DNAH3: variants seen among roughly 807,000 people sequenced by gnomAD.
DNAH3 encodes the protein axonemal beta dynein heavy chain 3.
A neutral mutation model predicts 432.5 loss-of-function variants in DNAH3; 332 were observed. The ratio of observed to expected loss-of-function variants is 0.77; its 90% confidence interval spans 0.70 to 0.84. DNAH3 has a LOEUF of 0.84. Ranked by LOEUF, DNAH3 falls within the 40% of genes least tolerant of loss-of-function variation. The probability of loss-of-function intolerance (pLI) is 0.00; values close to 1 mark genes in which losing one functional copy is unlikely to be tolerated. For missense variants in DNAH3, 4,861 were observed against 5,114.0 expected (o/e 0.95, Z 1.51); for synonymous variants, 1,956 against 1,900.2 (o/e 1.03, Z -0.76).
chr16:21,018,584 T>C (rs1051156588), intron 41 of DNAH3, among the ~76,000 whole-genome samples: 4 of 152,168 alleles, frequency 2.6e-5, no homozygotes, highest in African/African-American at 9.7e-5. Flanking sequence ...ATTGGAAACA[T>C]TTCAATATGA....
At chr16:21,137,423 CTTTTT>C (rs560633047) in intron 5 of DNAH3, among the ~76,000 whole-genome samples, 1 of 137,250 alleles carries the variant, frequency 7.3e-6, no homozygotes, top group Non-Finnish European at 1.6e-5. Context: ...TATTGTTGTT[CTTTTT>C]TTTTTTTTTT....
intron 1 of DNAH3, among the ~76,000 whole-genome samples, chr16:21,153,824 A>G (rs193100046): frequency 1.3e-5 from 2 of 152,224 alleles, no homozygotes; most frequent in Non-Finnish European, 2.9e-5. Context: ...TACGAATTCC[A>G]GACACAATAG....
intron 12 of DNAH3, among the ~76,000 whole-genome samples, chr16:21,115,079 C>A (rs896089399): frequency 6.6e-6 from 1 of 152,124 alleles, no homozygotes; most frequent in African/African-American, 2.4e-5. Flanking sequence ...AGGATGAGTT[C>A]ATGTCCTTTG....
At chr16:21,016,355 T>C (rs943815276) in intron 41 of DNAH3, among the ~76,000 whole-genome samples, 2 of 152,210 alleles carry the variant, frequency 1.3e-5, no homozygotes, top group African/African-American at 2.4e-5. Flanking sequence ...GACACATACA[T>C]GCATAAGAAA....
chr16:21,084,880 G>A (rs1286560375), intron 19 of DNAH3, among the ~76,000 whole-genome samples: 1 of 152,114 alleles, frequency 6.6e-6, no homozygotes, highest in Non-Finnish European at 1.5e-5. Flanking sequence ...AAATGCCATC[G>A]ACAAGGACAC....
chr16:20,988,876 G>A (rs1184614709), intron 44 of DNAH3, among the ~76,000 whole-genome samples: 6 of 152,138 alleles, frequency 3.9e-5, no homozygotes, highest in African/African-American at 1.4e-4. Flanking sequence ...GCTCAGGAGT[G>A]AAGCTGCAGA....
intron 7 of DNAH3, among the ~76,000 whole-genome samples, chr16:21,131,160 G>T (rs2092548606): frequency 6.6e-6 from 1 of 151,944 alleles, no homozygotes; most frequent in South Asian, 2.1e-4. Context: ...AACCTAGAGA[G>T]ACCCTGTTTC....
chr16:20,967,279 G>A (rs1487071563), intron 52 of DNAH3, among the ~76,000 whole-genome samples: 2 of 152,156 alleles, frequency 1.3e-5, no homozygotes, highest in East Asian at 1.9e-4. Flanking sequence ...GTGAATAACA[G>A]GCATAATTTG....
intron 6 of DNAH3, 39 bp downstream of exon 7, chr16:21,136,285 T>C (rs767229716): frequency 4.1e-5 from 65 of 1,592,312 alleles, no homozygotes; most frequent in Admixed American, 3.0e-4. Flanking sequence ...GCCCTCTACA[T>C]AGAAGCTCCC....
intron 41 of DNAH3, among the ~76,000 whole-genome samples, chr16:21,010,873 G>GC (rs1182346030): frequency 3.3e-5 from 5 of 150,214 alleles, no homozygotes; most frequent in Non-Finnish European, 7.4e-5. Flanking sequence ...GAACCACCAC[G>GC]CCCGGCCAAA....
rs1308357565 is a variant in DNAH3, at chr16:20,987,692, C to T, written c.6882+1G>A. On this transcript the variant is annotated splice_donor_variant, in intron 46 of 61. Coordinates refer to ENST00000261383, the Ensembl canonical transcript of DNAH3. LOFTEE classifies it high-confidence loss of function. Reference sequence around the variant, plus strand: ...TTGGTAGTAAAATGATAGTGGCTGACCTGCAGGTGTGTGTGAGGGCACAGC... The same window carrying T: ...TTGGTAGTAAAATGATAGTGGCTGATCTGCAGGTGTGTGTGAGGGCACAGC... 2 of 1,612,766 alleles carry T rather than the reference C, an allele frequency of 1.2e-6. No homozygotes were observed. The highest frequency in any genetic ancestry group is 2.2e-5 in the East Asian group (1 of 44,836).
chr16:21,067,776 G>GGAGGGAGAGGGAGAGAGAGAGAGAGAGA (rs374291201), intron 23 of DNAH3, among the ~76,000 whole-genome samples: 1 of 40,894 alleles, frequency 2.4e-5, no homozygotes. Flanking sequence ...GGGTGGGGAG[G>GGAGGGAGAGGGAGAGAGAGAGAGAGAGA]GAGAGAGAGA....
At chr16:21,085,209 C>CT (rs1309869353) in intron 19 of DNAH3, among the ~76,000 whole-genome samples, 2 of 151,844 alleles carry the variant, frequency 1.3e-5, no homozygotes, top group African/African-American at 4.8e-5. Context: ...TAAGACCCCC[C>CT]CCATCTCTAT....
At chr16:21,067,691 A>G (rs1329623573) in intron 23 of DNAH3, among the ~76,000 whole-genome samples, 1 of 145,154 alleles carries the variant, frequency 6.9e-6, no homozygotes, top group African/African-American at 2.5e-5. Flanking sequence ...ATGACATTCT[A>G]TACTAGTTTG....
Position 21,040,358 on chromosome 16 carries a change from A to ATCTTTTTTTTTTTT in DNAH3, c.4639-416_4639-415insAAAAAAAAAAAAGA, listed in dbSNP as rs771791969. On this transcript the variant is annotated intron_variant, in intron 32 of 61. Transcript: ENST00000261383. Reference sequence around the variant, plus strand: ...TCAGAAGAATCCCAAAGCCAGACAGATTTTTTTTTTTTTTTTTTTTTTTTT... The same window carrying ATCTTTTTTTTTTTT: ...TCAGAAGAATCCCAAAGCCAGACAGATCTTTTTTTTTTTTTTTTTTTTTTTTTTTTTTTTTTTTT... Among the ~76,000 whole-genome samples, 186 of 79,742 alleles carry ATCTTTTTTTTTTTT rather than the reference A, an allele frequency of 2.3e-3. 35 individuals are homozygous for ATCTTTTTTTTTTTT. The highest frequency in any genetic ancestry group is 6.5e-3 in the African/African-American group (115 of 17,760). The allele number at this position is 79,742 out of a possible 152,430, so 52.3% of individuals were successfully genotyped here.
chr16:21,035,202 C>A (rs1469187673), intron 35 of DNAH3, among the ~76,000 whole-genome samples: 2 of 152,184 alleles, frequency 1.3e-5, no homozygotes, highest in Non-Finnish European at 2.9e-5. Context: ...TGGCACATGC[C>A]TGTAATCCCA....
intron 39 of DNAH3, 38 bp from the exon 40 acceptor site, chr16:21,022,138 TCAA>T: frequency 6.2e-7 from 1 of 1,611,282 alleles, no homozygotes; most frequent in Non-Finnish European, 8.5e-7. Flanking sequence ...GGAGACATGA[TCAA>T]CAAGTGAGTT....
At chr16:20,955,592 G>C (rs1330118045) in intron 54 of DNAH3, among the ~76,000 whole-genome samples, 5 of 151,952 alleles carry the variant, frequency 3.3e-5, no homozygotes, top group Non-Finnish European at 7.4e-5. Context: ...GAGTCCCCGT[G>C]CCTGGCCCTA....
At chr16:21,035,347 G>A (rs2152727373) in intron 35 of DNAH3, among the ~76,000 whole-genome samples, 1 of 152,142 alleles carries the variant, frequency 6.6e-6, no homozygotes, top group East Asian at 1.9e-4. Context: ...AATAAGAGAG[G>A]AAAACATTAA....
Sources: allele counts gnomAD v4.1 joint callset (sites outside exome capture counted in the v4.1 genomes callset), GRCh38; gene constraint gnomAD v4.1.1; transcripts MANE v1.5; gene names NCBI Gene and HGNC (gene_info 2026-07-23, HGNC 2026-07-21).